Variants in LYPD6 observed in about 807,000 individuals in gnomAD.
LYPD6 encodes ly6/PLAUR domain-containing protein 6.
LYPD6 carries 15 observed loss-of-function variants against 22.7 expected under a neutral mutation model. The observed-to-expected ratio is 0.66, with a 90% CI of 0.44 to 1.02. The LOEUF is 1.02. Among genes scored for constraint, LYPD6 ranks in the 50% least tolerant of loss-of-function variants. The pLI is 0.00. For missense variants in LYPD6, 189 were observed against 208.4 expected, an observed-to-expected ratio of 0.91 and a Z score of 0.57; for synonymous variants, 72 against 77.5, an observed-to-expected ratio of 0.93 and a Z score of 0.37.
intron 1 of LYPD6, chr2:149,368,158 G>A (rs1025791655): frequency 3.3e-5 from 5 of 152,216 alleles, no homozygotes; most frequent in African/African-American, 1.2e-4. Context: ...AGTTGCAGGT[G>A]GGTGAGTATT....
At chr2:149,434,758 A>G (rs1039204382) in intron 1 of LYPD6, among the ~76,000 whole-genome samples, 7 of 152,182 alleles carry the variant, frequency 4.6e-5, no homozygotes, top group Admixed American at 4.6e-4. Context: ...GAAAGTAAGG[A>G]TAATCACGGC....
chr2:149,376,896 C>A lies in LYPD6; in HGVS notation c.-72+46174C>A, dbSNP rs116118159. On this transcript the variant is annotated intron_variant, in intron 1 of 4. Transcript: ENST00000334166. ...TAAATTCATTTAATTAAATATGGAG[C>A]AATCCAAAGCTCCCATGTTCTTTTC... Among the ~76,000 whole-genome samples the A allele has an allele frequency of 6.4e-3, 971 of 152,330 alleles. 7 individuals are homozygous for A. The highest frequency in any genetic ancestry group is 0.023 in the African/African-American group (938 of 41,576).
chr2:149,419,829 GGTGTGT>G (rs61066659), intron 1 of LYPD6, among the ~76,000 whole-genome samples: 42,930 of 149,854 alleles, frequency 0.29, 7,658 homozygotes, highest in African/African-American at 0.52. Context: ...ATGTGCTCAG[GGTGTGT>G]GTGTGTGTGT....
At chr2:149,371,956 A>G (rs1057088381) in intron 1 of LYPD6, among the ~76,000 whole-genome samples, 1 of 152,126 alleles carries the variant, frequency 6.6e-6, no homozygotes, top group Non-Finnish European at 1.5e-5. Context: ...CTGCCCCTCC[A>G]CAGAGGCTTC....
chr2:149,406,646 TC>T (rs1157168007), intron 1 of LYPD6, among the ~76,000 whole-genome samples: 2 of 152,244 alleles, frequency 1.3e-5, no homozygotes, highest in Non-Finnish European at 2.9e-5. Context: ...GAGATGGGTT[TC>T]CTGAATACAG....
At chr2:149,470,482 C>A (rs1434719356) in intron 4 of LYPD6, among the ~76,000 whole-genome samples, 1 of 152,130 alleles carries the variant, frequency 6.6e-6, no homozygotes, top group Non-Finnish European at 1.5e-5. Context: ...GAAGTTTGGC[C>A]TGGGGAGTTT....
At chr2:149,354,199 C>A (rs1681409610) in intron 1 of LYPD6, among the ~76,000 whole-genome samples, 1 of 152,030 alleles carries the variant, frequency 6.6e-6, no homozygotes, top group East Asian at 1.9e-4. Context: ...TTGGTGGCTT[C>A]CTTCCTATAG....
chr2:149,390,981 C>T (rs1357899665), intron 1 of LYPD6, among the ~76,000 whole-genome samples: 1 of 152,166 alleles, frequency 6.6e-6, no homozygotes, highest in Non-Finnish European at 1.5e-5. Context: ...AGAGGAAGGA[C>T]ATGAGATGCT....
At chr2:149,353,094 T>A (rs1681388782) in intron 1 of LYPD6, among the ~76,000 whole-genome samples, 1 of 152,200 alleles carries the variant, frequency 6.6e-6, no homozygotes, top group Admixed American at 6.5e-5. Flanking sequence ...AATGTAGTCA[T>A]CTACAAACAC....
intron 1 of LYPD6, among the ~76,000 whole-genome samples, chr2:149,392,085 C>T (rs1682322631): frequency 6.6e-6 from 1 of 152,148 alleles, no homozygotes. Flanking sequence ...CAGACTTTTG[C>T]CTTCTAGTTG....
intron 1 of LYPD6, among the ~76,000 whole-genome samples, chr2:149,345,154 C>G (rs933152960): frequency 3.3e-5 from 5 of 152,096 alleles, no homozygotes; most frequent in Non-Finnish European, 7.4e-5. Context: ...TTCACACTGA[C>G]TATTTTTCAT....
intron 1 of LYPD6, among the ~76,000 whole-genome samples, chr2:149,359,313 C>T (rs1032269069): frequency 3.9e-5 from 6 of 152,118 alleles, no homozygotes; most frequent in Admixed American, 2.0e-4. Context: ...TATGGCAGGC[C>T]GAGTGCCTGG....
At chr2:149,390,827 A>G (rs1682291189) in intron 1 of LYPD6, among the ~76,000 whole-genome samples, 1 of 152,264 alleles carries the variant, frequency 6.6e-6, no homozygotes, top group East Asian at 1.9e-4. Context: ...TTGTATAGAT[A>G]TAATTGGGTT....
chr2:149,448,365 G>A (rs1028290873), intron 2 of LYPD6, among the ~76,000 whole-genome samples: 3 of 151,980 alleles, frequency 2.0e-5, no homozygotes, highest in Non-Finnish European at 2.9e-5. Flanking sequence ...CAATACAATC[G>A]GTCTACCAAT....
chr2:149,373,787 G>A (rs4667437), intron 1 of LYPD6, among the ~76,000 whole-genome samples: 39,506 of 152,110 alleles, frequency 0.26, 6,458 homozygotes, highest in East Asian at 0.76. Flanking sequence ...CTTTAGTCAT[G>A]TATTCAAAAT....
intron 3 of LYPD6, 103 bp from the exon 4 acceptor site, chr2:149,468,542 A>C (rs1002331603): frequency 1.5e-6 from 2 of 1,328,714 alleles, no homozygotes; most frequent in Non-Finnish European, 2.1e-6. Context: ...CTTATGTGCT[A>C]TTAGCTCTTT....
At chr2:149,417,145 A>G (rs539939740) in intron 1 of LYPD6, among the ~76,000 whole-genome samples, 3 of 152,328 alleles carry the variant, frequency 2.0e-5, no homozygotes, top group East Asian at 1.9e-4. Context: ...CACATGGGCA[A>G]CACTCCATTG....
chr2:149,484,852 T>A, the LYPD6 span, among the ~76,000 whole-genome samples: 1 of 152,200 alleles, frequency 6.6e-6, no homozygotes. Context: ...TTTTTGGTGT[T>A]ATTTTTTCCC....
chr2:149,458,504 T>A (rs956233342), intron 3 of LYPD6, among the ~76,000 whole-genome samples: 7 of 152,024 alleles, frequency 4.6e-5, no homozygotes, highest in Non-Finnish European at 8.8e-5. Flanking sequence ...ATCAAGAGTG[T>A]CCTAACATAA....
Sources: gnomAD v4.1 joint callset for allele counts (sites outside exome capture counted in the v4.1 genomes callset) on GRCh38, gnomAD v4.1.1 for gene constraint, MANE v1.5 for transcripts, NCBI Gene and HGNC (gene_info 2026-07-23, HGNC 2026-07-21) for gene names.